TTC28: variants seen among roughly 807,000 people sequenced by gnomAD.
The protein encoded by TTC28 is tetratricopeptide repeat protein 28.
A neutral mutation model predicts 198.0 loss-of-function variants in TTC28; 61 were observed. The observed-to-expected ratio is 0.31, with a 90% CI of 0.25 to 0.38. The LOEUF is 0.38. Ranked by LOEUF, TTC28 falls within the 10% of genes least tolerant of loss-of-function variation. The probability of loss-of-function intolerance (pLI) is 1.00; values close to 1 mark genes in which losing one functional copy is unlikely to be tolerated. For synonymous variants in TTC28, 1,171 were observed against 1,297.8 expected (o/e 0.90, Z 2.10); for missense variants, 2,678 against 3,164.0 (o/e 0.85, Z 3.69).
At chr22:28,602,566 A>T (rs1211901124) in intron 2 of TTC28, among the ~76,000 whole-genome samples, 1 of 152,228 alleles carries the variant, frequency 6.6e-6, no homozygotes, top group Non-Finnish European at 1.5e-5. Flanking sequence ...ATAATAGAAA[A>T]GAATTATAGG....
intron 6 of TTC28, among the ~76,000 whole-genome samples, chr22:28,153,636 A>G (rs1943669029): frequency 6.6e-6 from 1 of 152,292 alleles, no homozygotes; most frequent in African/African-American, 2.4e-5. Flanking sequence ...TGTCGATTTT[A>G]TTCATTAAAA....
At position 28,243,049 on chromosome 22, in the gene TTC28, A is replaced by C. The variant is rs1427367813; in HGVS notation, c.933+53149T>G. The stretch of plus-strand genomic sequence containing the variant: ...TTAATCTAATAATTAAAAAAAAAAA[A>C]AAACTGGGCCAGGCGCAGTGGCTCA... On this transcript the variant is annotated intron_variant, in intron 5 of 22. Transcript: ENST00000397906. Among the ~76,000 whole-genome samples, 3 of 150,572 alleles carry C rather than the reference A, an allele frequency of 2.0e-5. No individual in the cohort carries two copies. In the East Asian group the frequency reaches 5.8e-4, roughly 29 times the overall value.
chr22:28,161,753 C>CAGGACAGGAAAGGAA (rs566680858), intron 6 of TTC28, among the ~76,000 whole-genome samples: 2 of 123,600 alleles, frequency 1.6e-5, no homozygotes, highest in East Asian at 2.3e-4. Flanking sequence ...CAGGACAGGA[C>CAGGACAGGAAAGGAA]AGGAAAGGAA....
chr22:28,335,589 T>A (rs9613593), intron 2 of TTC28, among the ~76,000 whole-genome samples: 37 of 152,186 alleles, frequency 2.4e-4, no homozygotes, highest in Non-Finnish European at 4.4e-4. Flanking sequence ...TATTTTATTC[T>A]CTTTGAAGCA....
chr22:28,309,660 G>A (rs1406459724), intron 2 of TTC28, among the ~76,000 whole-genome samples: 2 of 152,198 alleles, frequency 1.3e-5, no homozygotes, highest in Non-Finnish European at 2.9e-5. Flanking sequence ...TACGGACGCA[G>A]TATATGTGCA....
chr22:28,540,326 G>A (rs1397081356), intron 2 of TTC28, among the ~76,000 whole-genome samples: 2 of 152,128 alleles, frequency 1.3e-5, no homozygotes, highest in East Asian at 3.9e-4. Flanking sequence ...GAGAGAGAGA[G>A]TTGGGTCTGG....
intron 8 of TTC28, among the ~76,000 whole-genome samples, chr22:28,104,565 T>C (rs1337665288): frequency 2.0e-5 from 3 of 152,258 alleles, no homozygotes. Flanking sequence ...CTCATCTCAA[T>C]GTAAAGAGGT....
chr22:28,018,647 C>T (rs1234796677), intron 13 of TTC28, among the ~76,000 whole-genome samples: 1 of 152,170 alleles, frequency 6.6e-6, no homozygotes, highest in African/African-American at 2.4e-5. Context: ...CCACATGTGG[C>T]TGGTCCCCAC....
At chr22:28,070,781 A>C (rs1301860122) in intron 12 of TTC28, among the ~76,000 whole-genome samples, 3 of 152,220 alleles carry the variant, frequency 2.0e-5, no homozygotes, top group African/African-American at 7.2e-5. Flanking sequence ...GCTGTGTCTA[A>C]CCTTGAGGTG....
chr22:28,166,994 C>T (rs902781633), intron 5 of TTC28, among the ~76,000 whole-genome samples: 1 of 152,052 alleles, frequency 6.6e-6, no homozygotes, highest in African/African-American at 2.4e-5. Flanking sequence ...GGGGATATGA[C>T]CACCGATTCC....
intron 1 of TTC28, among the ~76,000 whole-genome samples, chr22:28,674,429 G>A (rs1012583262): frequency 3.9e-5 from 6 of 152,056 alleles, no homozygotes; most frequent in Non-Finnish European, 8.8e-5. Flanking sequence ...GCAAGGCATT[G>A]TTCTAAATAT....
intron 2 of TTC28, among the ~76,000 whole-genome samples, chr22:28,613,082 G>A (rs762041085): frequency 5.9e-5 from 9 of 151,958 alleles, no homozygotes; most frequent in South Asian, 2.1e-4. Flanking sequence ...TAGATAGACC[G>A]CTAGCCAGAC....
chr22:28,659,265 G>T (rs8139778), intron 1 of TTC28, among the ~76,000 whole-genome samples: 3 of 152,114 alleles, frequency 2.0e-5, no homozygotes, highest in Non-Finnish European at 4.4e-5. Context: ...GGTAAGAAAC[G>T]GACTCAAATT....
At chr22:28,380,560 C>CT (rs1423174695) in intron 2 of TTC28, among the ~76,000 whole-genome samples, 1 of 152,106 alleles carries the variant, frequency 6.6e-6, no homozygotes, top group East Asian at 1.9e-4. Context: ...AATCCAGTCT[C>CT]TTATAATCAA....
At chr22:28,601,566 G>T (rs1043852557) in intron 2 of TTC28, among the ~76,000 whole-genome samples, 9 of 152,104 alleles carry the variant, frequency 5.9e-5, no homozygotes, top group Admixed American at 2.0e-4. Context: ...GAAGACAGAA[G>T]TAGCTTATAT....
At chr22:28,429,301 G>A (rs1019353045) in intron 2 of TTC28, among the ~76,000 whole-genome samples, 2 of 152,024 alleles carry the variant, frequency 1.3e-5, no homozygotes, top group East Asian at 1.9e-4. Flanking sequence ...GCTTCTGATC[G>A]CTGAAAAATG....
chr22:28,390,452 C>G (rs1485324102), intron 2 of TTC28, among the ~76,000 whole-genome samples: 1 of 152,066 alleles, frequency 6.6e-6, no homozygotes, highest in African/African-American at 2.4e-5. Flanking sequence ...GTGTTAAAGT[C>G]TCCCATTATT....
chr22:28,211,690 T>A (rs184146905), intron 5 of TTC28, among the ~76,000 whole-genome samples: 38 of 152,146 alleles, frequency 2.5e-4, no homozygotes, highest in African/African-American at 7.9e-4. Flanking sequence ...TGAGAGACTT[T>A]AACACCCCAC....
chr22:28,084,093 C>A (rs577646707), intron 12 of TTC28, among the ~76,000 whole-genome samples: 7 of 152,364 alleles, frequency 4.6e-5, no homozygotes, highest in African/African-American at 1.7e-4. Flanking sequence ...GGGCAGGGCA[C>A]AGACAAACAA....
Sources: allele counts gnomAD v4.1 joint callset (sites outside exome capture counted in the v4.1 genomes callset), GRCh38; gene constraint gnomAD v4.1.1; transcripts MANE v1.5; gene names NCBI Gene and HGNC (gene_info 2026-07-23, HGNC 2026-07-21).